Variants in CCDC192 observed in about 807,000 individuals in gnomAD.
CCDC192 encodes coiled-coil domain containing 192, also known as coiled-coil domain-containing protein 192.
intron 4 of CCDC192, 49 bp from the exon 5 acceptor site, chr5:127,798,057 G>A: frequency 5.0e-6 from 2 of 397,408 alleles, no homozygotes; most frequent in Non-Finnish European, 4.4e-6. Context: ...CGTTGAGTAT[G>A]TAAAAGAAAG....
At chr5:127,929,218 T>C (rs1008964763) in intron 6 of CCDC192, among the ~76,000 whole-genome samples, 3 of 152,242 alleles carry the variant, frequency 2.0e-5, no homozygotes, top group Admixed American at 6.5e-5. Context: ...AAATAAGTTC[T>C]GTGTGAACCT....
At chr5:127,856,542 C>G (rs1455597614) in intron 5 of CCDC192, among the ~76,000 whole-genome samples, 1 of 152,210 alleles carries the variant, frequency 6.6e-6, no homozygotes, top group Admixed American at 6.5e-5. Flanking sequence ...TTAGGTAACT[C>G]TATGGTGCAA....
intron 2 of CCDC192, among the ~76,000 whole-genome samples, chr5:127,745,841 T>G (rs1182939151): frequency 6.6e-6 from 1 of 152,206 alleles, no homozygotes; most frequent in Non-Finnish European, 1.5e-5. Context: ...TACCTGGAAG[T>G]AAAATAAAAT....
chr5:127,802,028 A>G (rs1358722098), intron 5 of CCDC192, among the ~76,000 whole-genome samples: 1 of 152,198 alleles, frequency 6.6e-6, no homozygotes, highest in African/African-American at 2.4e-5. Context: ...TACAAAAAAT[A>G]TACTCCTAAG....
intron 2 of CCDC192, among the ~76,000 whole-genome samples, chr5:127,735,585 G>A (rs990343068): frequency 2.0e-5 from 2 of 100,826 alleles, no homozygotes; most frequent in African/African-American, 9.4e-5. Flanking sequence ...CCATTTGTTT[G>A]TATCCTCTTT....
At chr5:127,787,183 A>G (rs1756588980) in intron 3 of CCDC192, 1 of 206,514 alleles carries the variant, frequency 4.8e-6, no homozygotes, top group African/African-American at 2.3e-5. Context: ...GTAGAGAGTG[A>G]AATATATTGC....
At chr5:127,866,745 T>G (rs928982981) in intron 5 of CCDC192, among the ~76,000 whole-genome samples, 9 of 152,136 alleles carry the variant, frequency 5.9e-5, no homozygotes, top group African/African-American at 2.2e-4. Context: ...TTATATGAGA[T>G]CACGTCCATT....
intron 6 of CCDC192, among the ~76,000 whole-genome samples, chr5:127,920,494 T>C (rs1753680558): frequency 6.7e-6 from 1 of 148,758 alleles, no homozygotes; most frequent in Admixed American, 6.7e-5. Context: ...CTGCAACCTC[T>C]GCCCTCCTGG....
intron 5 of CCDC192, among the ~76,000 whole-genome samples, chr5:127,825,312 T>G (rs1356054575): frequency 6.6e-6 from 1 of 152,188 alleles, no homozygotes; most frequent in Non-Finnish European, 1.5e-5. Flanking sequence ...AGTACAACTT[T>G]TGAAATATGA....
intron 2 of CCDC192, among the ~76,000 whole-genome samples, chr5:127,725,747 T>A (rs2126806875): frequency 6.6e-6 from 1 of 152,290 alleles, no homozygotes; most frequent in East Asian, 1.9e-4. Flanking sequence ...AATGTCTCCC[T>A]CTGTCAGTTT....
At chr5:127,854,498 A>G (rs1750968646) in intron 5 of CCDC192, among the ~76,000 whole-genome samples, 1 of 152,184 alleles carries the variant, frequency 6.6e-6, no homozygotes, top group Admixed American at 6.5e-5. Context: ...ATTTATAAGT[A>G]AAACTCTATC....
intron 3 of CCDC192, among the ~76,000 whole-genome samples, chr5:127,755,367 A>G (rs1205267198): frequency 6.6e-6 from 1 of 152,188 alleles, no homozygotes. Context: ...TTAATATATA[A>G]TTTAGTGATA....
intron 6 of CCDC192, among the ~76,000 whole-genome samples, chr5:127,908,624 T>G (rs17164534): frequency 0.21 from 31,707 of 152,130 alleles, 3,458 homozygotes; most frequent in East Asian, 0.33. Flanking sequence ...TTTATACTGG[T>G]AGAACACTAA....
chr5:127,800,392 A>AC (rs1263033999), intron 5 of CCDC192, among the ~76,000 whole-genome samples: 3 of 139,922 alleles, frequency 2.1e-5, no homozygotes, highest in Non-Finnish European at 3.2e-5. Flanking sequence ...AAAAAAAAAA[A>AC]AAAAAAAAAC....
intron 2 of CCDC192, among the ~76,000 whole-genome samples, chr5:127,721,977 T>G (rs1488073938): frequency 2.0e-5 from 3 of 152,140 alleles, no homozygotes; most frequent in African/African-American, 7.2e-5. Flanking sequence ...CCTCCAACAC[T>G]GGGGGTTACA....
rs910823749 is a variant in CCDC192 at position 127,762,053 on chromosome 5, GCT to G, written c.222+7681_222+7682del. Among the ~76,000 whole-genome samples the G allele has an allele frequency of 1.9e-4, 28 of 150,794 alleles. No individual in the cohort carries two copies. In the East Asian group the frequency reaches 2.1e-3, roughly 11 times the overall value. ...TGCATACTGAGATTATCCAAAAAAT[GCT>G]CTGTTTTTTTTTCATTGTTTATATG... On this transcript the variant is annotated intron_variant, in intron 3 of 6. Coordinates refer to ENST00000514853, the MANE Select transcript of CCDC192 (RefSeq NM_001317938.2).
intron 6 of CCDC192, among the ~76,000 whole-genome samples, chr5:127,907,312 G>A (rs576503766): frequency 6.6e-6 from 1 of 151,844 alleles, no homozygotes; most frequent in Non-Finnish European, 1.5e-5. Flanking sequence ...CAAATTTTAT[G>A]TTTTAAAACA....
At chr5:127,727,093 A>C (rs1752370068) in intron 2 of CCDC192, among the ~76,000 whole-genome samples, 2 of 152,156 alleles carry the variant, frequency 1.3e-5, no homozygotes, top group African/African-American at 2.4e-5. Flanking sequence ...GACACCTCCA[A>C]GTGTGGGAGG....
rs1750640301 is a variant in CCDC192, at chr5:127,848,012, G to T, written c.412-27526G>T. Among the ~76,000 whole-genome samples the T allele has an allele frequency of 2.0e-5, 3 of 151,814 alleles. No individual in the cohort carries two copies. The South Asian group carries it at 6.2e-4, about 32-fold the overall frequency. ...GGATTTCACCATGTTGGCCAGCCTG[G>T]TCTTCAAACTCCTGACCTCAAGTGA... On this transcript the variant is annotated intron_variant, in intron 5 of 6. Transcript: ENST00000514853.
Sources: gnomAD v4.1 joint callset for allele counts (sites outside exome capture counted in the v4.1 genomes callset) on GRCh38, gnomAD v4.1.1 for gene constraint, MANE v1.5 for transcripts, NCBI Gene and HGNC (gene_info 2026-07-23, HGNC 2026-07-21) for gene names.